The following USP3 variants were observed in gnomAD, a reference collection of about 807,000 sequenced individuals.
USP3 encodes the protein ubiquitin carboxyl-terminal hydrolase 3.
Under a neutral mutation model 72.3 loss-of-function variants are expected in USP3, and 20 were observed. The ratio of observed to expected loss-of-function variants is 0.28; its 90% CI spans 0.19 to 0.40. USP3 has a LOEUF of 0.40. Ranked by LOEUF, USP3 falls within the 10% of genes least tolerant of loss-of-function variation. USP3 has a pLI of 1.00. For missense variants in USP3, 479 were observed against 633.9 expected (o/e 0.76, Z 2.62); for synonymous variants, 222 against 225.3 (o/e 0.99, Z 0.13).
chr15:63,521,144 T>C lies in USP3; in HGVS notation c.92-11503T>C, dbSNP rs75805109. On this transcript the variant is annotated intron_variant, in intron 1 of 14. Coordinates refer to ENST00000380324, the MANE Select transcript of USP3 (RefSeq NM_006537.4). Reference sequence around the variant, plus strand: ...GCAAACTAGATACATTCTTTTGGACTTTTTTTTTTTTTCATTTAGCTGTAT... The same window carrying C: ...GCAAACTAGATACATTCTTTTGGACCTTTTTTTTTTTTCATTTAGCTGTAT... 1.5e-3 allele frequency among the ~76,000 whole-genome samples: 66 copies of C among 44,824 alleles called. 1 individual carries two copies. Among genetic ancestry groups the C allele is most frequent in the Middle Eastern group, 0.014 (1 of 72 alleles). 29.4% of individuals were successfully genotyped at this position (44,824 alleles called of 152,430 possible).
chr15:63,559,308 T>C (rs1481401608), intron 6 of USP3, among the ~76,000 whole-genome samples: 1 of 152,196 alleles, frequency 6.6e-6, no homozygotes, highest in Non-Finnish European at 1.5e-5. Context: ...TAGATTTTAA[T>C]GAGACATCAA....
At chr15:63,520,506 T>C (rs568828619) in intron 1 of USP3, among the ~76,000 whole-genome samples, 1 of 151,740 alleles carries the variant, frequency 6.6e-6, no homozygotes, top group South Asian at 2.1e-4. Context: ...TTTAATACAC[T>C]TATTTAACAT....
intron 3 of USP3, among the ~76,000 whole-genome samples, chr15:63,545,774 T>C (rs1282401334): frequency 1.3e-5 from 2 of 151,758 alleles, no homozygotes; most frequent in African/African-American, 4.8e-5. Context: ...AGTTCGAGAC[T>C]AGCCTGAGCA....
chr15:63,507,064 G>C (rs548140177), intron 1 of USP3, among the ~76,000 whole-genome samples: 4 of 151,940 alleles, frequency 2.6e-5, no homozygotes, highest in Admixed American at 1.3e-4. Context: ...TTATATAGTC[G>C]TATTTTTTTT....
intron 1 of USP3, among the ~76,000 whole-genome samples, chr15:63,526,162 A>T (rs2065978650): frequency 6.6e-6 from 1 of 152,212 alleles, no homozygotes; most frequent in Admixed American, 6.5e-5. Context: ...TACATAGCTG[A>T]TAACAGCTAC....
intron 1 of USP3, among the ~76,000 whole-genome samples, chr15:63,526,054 T>C (rs190638024): frequency 1.9e-3 from 291 of 152,328 alleles, no homozygotes; most frequent in African/African-American, 6.8e-3. Flanking sequence ...TATCTTTAAA[T>C]TTAAAACACT....
chr15:63,504,707 G>A lies in USP3; in HGVS notation c.-33G>A. The stretch of plus-strand genomic sequence containing the variant: ...CGCCCCCACCTCGCCGGGTCCTGGA[G>A]CCGCAGTCCTCCCAGCTGCCCTCCT... On this transcript the variant is annotated 5_prime_UTR_variant, in exon 1 of 15. Coordinates refer to ENST00000380324, the MANE Select transcript of USP3 (RefSeq NM_006537.4). 1 of 1,564,742 alleles carries A rather than the reference G, an allele frequency of 6.4e-7. No individual in the cohort carries two copies. The highest frequency in any genetic ancestry group is 1.8e-5 in the Admixed American group (1 of 56,042).
intron 11 of USP3, among the ~76,000 whole-genome samples, chr15:63,587,051 C>CAGAG (rs1474923984): frequency 6.6e-6 from 1 of 152,130 alleles, no homozygotes. Context: ...AACTTGAGTA[C>CAGAG]AGAGACAAGA....
intron 9 of USP3, among the ~76,000 whole-genome samples, chr15:63,572,747 AAG>A (rs1176313282): frequency 2.0e-5 from 3 of 152,216 alleles, no homozygotes; most frequent in African/African-American, 7.2e-5. Flanking sequence ...ATTAGCAAAA[AAG>A]AGCGTGTATT....
intron 3 of USP3, among the ~76,000 whole-genome samples, chr15:63,546,127 T>G (rs1268863293): frequency 6.6e-6 from 1 of 152,106 alleles, no homozygotes; most frequent in Non-Finnish European, 1.5e-5. Context: ...TTACATGAAG[T>G]CCTGTGTATA....
intron 11 of USP3, among the ~76,000 whole-genome samples, chr15:63,576,081 G>C (rs1201637723): frequency 6.6e-6 from 1 of 150,978 alleles, no homozygotes; most frequent in Non-Finnish European, 1.5e-5. Context: ...CCGCCTCCCA[G>C]GTTCAAGTGA....
intron 3 of USP3, among the ~76,000 whole-genome samples, chr15:63,538,797 C>G (rs191038514): frequency 2.0e-5 from 3 of 152,038 alleles, no homozygotes; most frequent in Admixed American, 6.6e-5. Context: ...CCGCCTGCCT[C>G]GGCCTCCCAA....
At chr15:63,532,300 T>TA (rs1337672732) in intron 1 of USP3, among the ~76,000 whole-genome samples, 1 of 152,194 alleles carries the variant, frequency 6.6e-6, no homozygotes, top group African/African-American at 2.4e-5. Context: ...TGACTAGACT[T>TA]AAAAAATGTT....
At chr15:63,589,928 T>TAACA (rs2067156341) in intron 14 of USP3, among the ~76,000 whole-genome samples, 1 of 149,630 alleles carries the variant, frequency 6.7e-6, no homozygotes. Flanking sequence ...AACTTTTTCG[T>TAACA]AACAGCCTAT....
intron 3 of USP3, among the ~76,000 whole-genome samples, chr15:63,549,266 A>C (rs1387789651): frequency 1.3e-5 from 2 of 152,256 alleles, no homozygotes; most frequent in African/African-American, 4.8e-5. Context: ...TGCAGTTAAA[A>C]AAGTAGATTC....
At chr15:63,550,972 C>G (rs1483301965) in intron 3 of USP3, among the ~76,000 whole-genome samples, 1 of 152,054 alleles carries the variant, frequency 6.6e-6, no homozygotes, top group Non-Finnish European at 1.5e-5. Context: ...GGCTGGGAAA[C>G]AGAATACCCT....
chr15:63,549,737 A>AT (rs1172772156), intron 3 of USP3, among the ~76,000 whole-genome samples: 1 of 152,228 alleles, frequency 6.6e-6, no homozygotes, highest in Non-Finnish European at 1.5e-5. Flanking sequence ...ATTGATATGC[A>AT]TTGTGATATA....
chr15:63,540,651 C>T (rs888095112), intron 3 of USP3, among the ~76,000 whole-genome samples: 4 of 152,146 alleles, frequency 2.6e-5, no homozygotes, highest in African/African-American at 9.7e-5. Flanking sequence ...AGCAGTGCCC[C>T]TCCACCTTGA....
chr15:63,504,947 C>A, intron 1 of USP3, 117 bp downstream of exon 1: 1 of 695,314 alleles, frequency 1.4e-6, no homozygotes. Context: ...GAGGGCGAGC[C>A]GGGCCCGGCG....
Sources: allele counts gnomAD v4.1 joint callset (sites outside exome capture counted in the v4.1 genomes callset), GRCh38; gene constraint gnomAD v4.1.1; transcripts MANE v1.5; gene names NCBI Gene and HGNC (gene_info 2026-07-23, HGNC 2026-07-21).